The following COL11A1 variants were observed in gnomAD, a reference collection of about 807,000 sequenced individuals.
The protein encoded by COL11A1 is collagen type XI alpha 1 chain.
Under a neutral mutation model 265.2 loss-of-function variants are expected in COL11A1, and 74 were observed. That is an observed-to-expected ratio of 0.28 (90% CI 0.23 to 0.34). The LOEUF (loss-of-function observed/expected upper bound fraction) is 0.34, where lower values mean the gene tolerates loss of function less well. Among genes scored for constraint, COL11A1 ranks in the 10% least tolerant of loss-of-function variants. The pLI, the probability that COL11A1 is intolerant of heterozygous loss-of-function variation, is 1.00. For synonymous variants in COL11A1, 816 were observed against 727.6 expected (o/e 1.12, Z -1.96); for missense variants, 2,165 against 2,263.6 (o/e 0.96, Z 0.88).
intron 4 of COL11A1, among the ~76,000 whole-genome samples, chr1:103,040,629 T>C (rs969717383): frequency 6.6e-6 from 1 of 151,612 alleles, no homozygotes; most frequent in Non-Finnish European, 1.5e-5. Context: ...ATTCATCTGA[T>C]ACATTTTAAA....
At chr1:102,967,397 A>C (rs922051582) in intron 37 of COL11A1, among the ~76,000 whole-genome samples, 17 of 151,400 alleles carry the variant, frequency 1.1e-4, no homozygotes, top group South Asian at 4.2e-4. Flanking sequence ...CCCGCCACCA[A>C]GCCCGGCTAA....
intron 11 of COL11A1, among the ~76,000 whole-genome samples, chr1:103,017,129 AG>A (rs1423363710): frequency 3.9e-5 from 6 of 152,088 alleles, no homozygotes; most frequent in African/African-American, 1.2e-4. Context: ...TTAAATAAAA[AG>A]TTTCATAATG....
At chr1:103,043,971 T>A (rs1368823350) in intron 4 of COL11A1, among the ~76,000 whole-genome samples, 2 of 152,208 alleles carry the variant, frequency 1.3e-5, no homozygotes, top group South Asian at 2.1e-4. Flanking sequence ...TCTGCTCACA[T>A]TTGATATTAG....
intron 4 of COL11A1, among the ~76,000 whole-genome samples, chr1:103,043,969 C>T (rs115400435): frequency 0.036 from 5,507 of 152,162 alleles, 115 homozygotes; most frequent in African/African-American, 0.049. Context: ...CTTCTGCTCA[C>T]ATTTGATATT....
chr1:103,067,309 C>G (rs1411942428), intron 4 of COL11A1, among the ~76,000 whole-genome samples: 1 of 151,772 alleles, frequency 6.6e-6, no homozygotes, highest in Non-Finnish European at 1.5e-5. Flanking sequence ...CAGAAGACAA[C>G]AGAATTAGAC....
At position 102,979,098 on chromosome 1, in the gene COL11A1, C is replaced by A; in HGVS notation, c.2617G>T (p.Ala873Ser). Residue 873 changes from alanine to serine, a missense_variant, in exon 33 of 67, where the codon GCT becomes TCT. Physicochemically the swap from Ala to Ser is moderately conservative, Grantham distance 99. Transcript: ENST00000370096. ...TGACCCCGAGGGCCTGGTTTGCCAG[C>A]TACTCCCTAGCAAAGACAGTTCAAT... ...ANGEKGARGV[A>S]GKPGPRGQRG... The A allele has an allele frequency of 6.2e-7, 1 of 1,614,120 alleles. No homozygotes were observed. The highest frequency in any genetic ancestry group is 8.5e-7 in the Non-Finnish European group (1 of 1,179,996).
At chr1:102,920,127 A>G (rs1216183986) in intron 49 of COL11A1, among the ~76,000 whole-genome samples, 184 bp downstream of exon 49, 1 of 152,146 alleles carries the variant, frequency 6.6e-6, no homozygotes, top group African/African-American at 2.4e-5. Flanking sequence ...ATAATTGGCA[A>G]CCAAAACACA....
chr1:102,992,952 T>C (rs919523485), intron 28 of COL11A1, among the ~76,000 whole-genome samples: 21 of 152,062 alleles, frequency 1.4e-4, no homozygotes, highest in Non-Finnish European at 2.8e-4. Flanking sequence ...AGCTTTCCTA[T>C]GTACAAAAAA....
At chr1:103,095,765 G>A (rs1479986262) in intron 1 of COL11A1, among the ~76,000 whole-genome samples, 1 of 151,746 alleles carries the variant, frequency 6.6e-6, no homozygotes, top group Non-Finnish European at 1.5e-5. Flanking sequence ...TGGATAGAGA[G>A]CATGGAAAGT....
At chr1:103,078,192 C>T (rs1198463719) in intron 3 of COL11A1, among the ~76,000 whole-genome samples, 2 of 152,074 alleles carry the variant, frequency 1.3e-5, no homozygotes, top group Non-Finnish European at 2.9e-5. Context: ...CATCATCCCA[C>T]TCTTCTCCTG....
intron 14 of COL11A1, among the ~76,000 whole-genome samples, chr1:103,010,054 C>A (rs1454746440): frequency 6.6e-6 from 1 of 152,052 alleles, no homozygotes; most frequent in African/African-American, 2.4e-5. Flanking sequence ...AACATTTATT[C>A]TAAAAAATGT....
intron 54 of COL11A1, among the ~76,000 whole-genome samples, chr1:102,908,402 A>G (rs1435953045): frequency 2.0e-5 from 3 of 152,114 alleles, no homozygotes; most frequent in African/African-American, 7.2e-5. Context: ...TATTTGATAC[A>G]TCAATCTATT....
At chr1:102,979,153 T>G in intron 32 of COL11A1, 49 bp from the exon 33 acceptor site, 1 of 1,545,194 alleles carries the variant, frequency 6.5e-7, no homozygotes, top group Non-Finnish European at 8.9e-7. Context: ...CAGTAAATTA[T>G]GAGCCTGGTG....
chr1:102,918,203 CTATT>C (rs1215129645), intron 49 of COL11A1, among the ~76,000 whole-genome samples: 2 of 151,614 alleles, frequency 1.3e-5, no homozygotes, highest in Admixed American at 6.6e-5. Flanking sequence ...TATCGTGTAA[CTATT>C]TACCTCATTA....
intron 62 of COL11A1, 56 bp downstream of exon 62, chr1:102,888,521 T>C (rs1651303273): frequency 5.3e-6 from 8 of 1,509,692 alleles, no homozygotes; most frequent in Middle Eastern, 1.7e-4. Flanking sequence ...AGAGAAATCA[T>C]TGGCAGCTTC....
chr1:103,004,368 T>C (rs1414090043), intron 20 of COL11A1, 76 bp downstream of exon 20: 1 of 1,082,932 alleles, frequency 9.2e-7, no homozygotes, highest in Non-Finnish European at 1.4e-6. Flanking sequence ...TTTATCATTG[T>C]TTTTATATGT....
chr1:103,073,543 G>A (rs530222432), intron 4 of COL11A1, among the ~76,000 whole-genome samples: 13 of 151,818 alleles, frequency 8.6e-5, no homozygotes, highest in African/African-American at 2.9e-4. Context: ...ACATAATCTA[G>A]CATGATATGA....
intron 4 of COL11A1, among the ~76,000 whole-genome samples, chr1:103,071,858 CAT>C (rs1486211799): frequency 1.3e-5 from 1 of 78,392 alleles, no homozygotes; most frequent in Admixed American, 1.8e-4. Context: ...ATTTATATTA[CAT>C]ATGTGTTTGT....
At chr1:103,034,357 G>A (rs996672063) in intron 4 of COL11A1, among the ~76,000 whole-genome samples, 1 of 151,452 alleles carries the variant, frequency 6.6e-6, no homozygotes, top group Admixed American at 6.6e-5. Flanking sequence ...CCCGCACTGA[G>A]GCTGTCAACT....
Sources: allele counts gnomAD v4.1 joint callset (sites outside exome capture counted in the v4.1 genomes callset), GRCh38; gene constraint gnomAD v4.1.1; transcripts MANE v1.5; gene names NCBI Gene and HGNC (gene_info 2026-07-23, HGNC 2026-07-21).